The following AGO4 variants were observed in gnomAD, a reference collection of about 807,000 sequenced individuals.
The protein encoded by AGO4 is protein argonaute-4.
In AGO4, 33 loss-of-function variants were observed where a neutral mutation model predicts 104.7. The ratio of observed to expected loss-of-function variants is 0.32; its 90% CI spans 0.24 to 0.42. The LOEUF is 0.42. Ranked by LOEUF, AGO4 falls within the 10% of genes least tolerant of loss-of-function variation. The pLI is 1.00. For missense variants in AGO4, 711 were observed against 1,083.4 expected (o/e 0.66, Z 4.83); for synonymous variants, 331 against 364.7 (o/e 0.91, Z 1.05).
chr1:35,855,622 G>A lies in AGO4; in HGVS notation c.*2017G>A, dbSNP rs1371518139. ...AGCACAACATAGCCAGGAGTGAAGA[G>A]ATGGCAGATGTTAATTTCTTAAAAT... On this transcript the variant is annotated 3_prime_UTR_variant, in exon 18 of 18. Coordinates refer to ENST00000373210, the MANE Select transcript of AGO4 (RefSeq NM_017629.4). 1.3e-5 allele frequency: 2 copies of A among 150,882 alleles called. No homozygotes were observed. Among genetic ancestry groups the A allele is most frequent in the Admixed American group, 6.6e-5 (1 of 15,114 alleles). The allele number at this position is 150,882 out of a possible 1,614,324, so 9.3% of individuals were successfully genotyped here.
Position 35,808,502 on chromosome 1 carries a change from T to C in AGO4, c.19+67T>C. On this transcript the variant is annotated intron_variant, in intron 1 of 17. Coordinates refer to ENST00000373210, the MANE Select transcript of AGO4 (RefSeq NM_017629.4). The surrounding 1 kb of genome is among the most constrained non-coding windows in gnomAD (Gnocchi z 5.2). ...GACCCGGGGCGGGCGGCCGGGACTT[T>C]CGCTGCCCCGTCGCCTCGCCGGGTT... 5 of 1,166,242 alleles carry C rather than the reference T, an allele frequency of 4.3e-6. No individual in the cohort carries two copies. The highest frequency in any genetic ancestry group is 5.3e-6 in the Non-Finnish European group (5 of 943,022). 72.2% of individuals were successfully genotyped at this position (1,166,242 alleles called of 1,614,324 possible). A position where few individuals can be genotyped will look rare whatever the true frequency, so the allele number is the denominator to read the frequency against.
chr1:35,835,913 A>G lies in AGO4; in HGVS notation c.1644A>G (p.Ser548=). 1.9e-6 allele frequency: 3 copies of G among 1,614,094 alleles called. No homozygotes were observed. The highest frequency in any genetic ancestry group is 1.7e-6 in the Non-Finnish European group (2 of 1,179,984). The change falls in exon 13 of 18, where the codon TCA becomes TCG. Residue 548 remains serine (S), a synonymous_variant. Coordinates refer to ENST00000373210, the MANE Select transcript of AGO4 (RefSeq NM_017629.4). The stretch of plus-strand genomic sequence containing the variant: ...AGGTAAAAAATGTAGTGAAGACCTC[A>G]CCTCAAACCCTTTCCAATCTTTGCC... ...CVQVKNVVKT[S]PQTLSNLCLK...
In AGO4 at chr1:35,850,930, C is replaced by G. The variant is rs760865797; in HGVS notation, c.2354C>G (p.Thr785Ser). The change falls in exon 17 of 18, where the codon ACT (threonine) becomes AGT (serine). Residue 785 changes from threonine to serine, a missense_variant. Physicochemically the swap from Thr to Ser is moderately conservative, Grantham distance 58. Around this residue, in one of 3 missense-constraint regions of AGO4, gnomAD observed 401 missense variants for 665.5 expected, o/e 0.60. Coordinates refer to ENST00000373210, the MANE Select transcript of AGO4 (RefSeq NM_017629.4). ...ACTGCAGATGAACTCCAGCTACTGA[C>G]TTACCAGCTGTGTCACACCTATGTG... ...CFTADELQLL[T>S]YQLCHTYVRC... 3 of 1,614,064 alleles carry G rather than the reference C, an allele frequency of 1.9e-6. No individual in the cohort carries two copies. In the South Asian group the frequency reaches 3.3e-5, roughly 18 times the overall value.
At chr1:35,812,880 C>G (rs536399626) in intron 1 of AGO4, among the ~76,000 whole-genome samples, 6 of 152,272 alleles carry the variant, frequency 3.9e-5, no homozygotes, top group Non-Finnish European at 8.8e-5. Context: ...GCATGAGCCA[C>G]TGTGCCTGGC....
chr1:35,831,249 C>T (rs947114905), intron 7 of AGO4, among the ~76,000 whole-genome samples, 178 bp from the exon 8 acceptor site: 1 of 151,970 alleles, frequency 6.6e-6, no homozygotes, highest in African/African-American at 2.4e-5. Context: ...ATAATCCCAA[C>T]TGCTTGGGAA....
At position 35,856,072 on chromosome 1, in the gene AGO4, TCA is replaced by T. The variant is rs1361720354; in HGVS notation, c.*2468_*2469del. On this transcript the variant is annotated 3_prime_UTR_variant, in exon 18 of 18. Transcript: ENST00000373210. The stretch of plus-strand genomic sequence containing the variant: ...CTCGAACAATACAGCTTGTAAGACC[TCA>T]GTCAGTCCTGGTACACTGGGGTAAA... 2 of 152,232 alleles carry T rather than the reference TCA, an allele frequency of 1.3e-5. No individual in the cohort carries two copies. Among genetic ancestry groups the T allele is most frequent in the African/African-American group, 2.4e-5 (1 of 41,466 alleles). 9.4% of individuals were successfully genotyped at this position (152,232 alleles called of 1,614,324 possible).
At chr1:35,816,429 A>G (rs945744118) in intron 1 of AGO4, among the ~76,000 whole-genome samples, 2 of 152,214 alleles carry the variant, frequency 1.3e-5, no homozygotes, top group Admixed American at 6.6e-5. Flanking sequence ...CAGATTCTTT[A>G]TATTAGAGTA....
chr1:35,814,826 T>TA (rs1643638426), intron 1 of AGO4, among the ~76,000 whole-genome samples: 1 of 152,188 alleles, frequency 6.6e-6, no homozygotes, highest in African/African-American at 2.4e-5. Context: ...TAACCATAAA[T>TA]ATCATAAAGT....
chr1:35,840,538 A>T (rs1644415786), intron 13 of AGO4, among the ~76,000 whole-genome samples: 1 of 151,852 alleles, frequency 6.6e-6, no homozygotes, highest in Non-Finnish European at 1.5e-5. Flanking sequence ...ACCTCAGGTG[A>T]TCCTCCTGCC....
At chr1:35,816,725 G>C (rs922832483) in intron 1 of AGO4, among the ~76,000 whole-genome samples, 157 bp from the exon 2 acceptor site, 28 of 148,882 alleles carry the variant, frequency 1.9e-4, no homozygotes, top group Non-Finnish European at 1.9e-4. Flanking sequence ...CTTGGAACTG[G>C]AAGGCAGAGG....
In AGO4 at chr1:35,847,254, G is replaced by C. The variant is rs113136677; in HGVS notation, c.2176-2903G>C. Among the ~76,000 whole-genome samples, 741 of 146,652 alleles carry C rather than the reference G, an allele frequency of 5.1e-3. 7 individuals carry two copies. The highest frequency in any genetic ancestry group is 6.3e-3 in the Non-Finnish European group (420 of 66,944). On this transcript the variant is annotated intron_variant, in intron 15 of 17. Transcript: ENST00000373210. ...TTTTTGGTCTTTTTTTTTTTTTTGA[G>C]ACTGAGTCTCGCTCTGTTACCCAGG...
At chr1:35,831,755 A>T in intron 8 of AGO4, 57 bp from the exon 9 acceptor site, 1 of 1,596,322 alleles carries the variant, frequency 6.3e-7, no homozygotes, top group Non-Finnish European at 8.5e-7. Flanking sequence ...ATGGTTTGGC[A>T]AAGGTTTAAG....
At chr1:35,828,049 G>A (rs1644074488) in intron 7 of AGO4, among the ~76,000 whole-genome samples, 1 of 151,592 alleles carries the variant, frequency 6.6e-6, no homozygotes, top group Non-Finnish European at 1.5e-5. Flanking sequence ...CCAGCCTACT[G>A]TTGTAATTCT....
chr1:35,825,366 G>C lies in AGO4; in HGVS notation c.360G>C (p.Val120=), dbSNP rs769739095. 1.2e-6 allele frequency: 2 copies of C among 1,614,190 alleles called. No homozygotes were observed. Among genetic ancestry groups the C allele is most frequent in the Admixed American group, 3.3e-5 (2 of 60,020 alleles). The change falls in exon 4 of 18, where the codon GTG becomes GTC. Residue 120 remains valine, a synonymous_variant. Coordinates refer to ENST00000373210, the MANE Select transcript of AGO4 (RefSeq NM_017629.4). The stretch of plus-strand genomic sequence containing the variant: ...AGGGTAAAGACCAAACATTTAAAGT[G>C]TCTGTTCAGTGGGTGTCAGTTGTGA... ...PGEGKDQTFK[V]SVQWVSVVSL... is the part of the protein sequence containing the mutation.
upstream of AGO4, among the ~76,000 whole-genome samples, chr1:35,807,762 TGGGAGGA>T (rs1403357448): frequency 1.3e-5 from 2 of 151,700 alleles, no homozygotes; most frequent in Admixed American, 1.3e-4. Context: ...CGATCTGGGG[TGGGAGGA>T]GGGAGGAGGG....
rs372415425 is a variant in AGO4 at position 35,813,761 on chromosome 1, A to AAAGAAG, written c.20-3107_20-3102dup. Among the ~76,000 whole-genome samples, 3 of 149,916 alleles carry AAAGAAG rather than the reference A, an allele frequency of 2.0e-5. No individual in the cohort carries two copies. The East Asian group carries it at 5.9e-4, about 30-fold the overall frequency. On this transcript the variant is annotated intron_variant, in intron 1 of 17. Transcript: ENST00000373210. ...AAGACCCTGGCTCAAAAAAAGAAAA[A>AAAGAAG]AAGAAGAAGAAGAAGAAGAGGAAGA... is the stretch of plus-strand genomic sequence containing the variant.
At chr1:35,809,269 T>C (rs185752389) in intron 1 of AGO4, among the ~76,000 whole-genome samples, 63 of 152,352 alleles carry the variant, frequency 4.1e-4, no homozygotes, top group African/African-American at 1.5e-3. Flanking sequence ...ACAAGTGTCC[T>C]GAGTATTGGG....
intron 7 of AGO4, 59 bp downstream of exon 7, chr1:35,826,894 A>G: frequency 6.4e-7 from 1 of 1,560,540 alleles, no homozygotes; most frequent in Non-Finnish European, 8.7e-7. Context: ...GGGAGCTACT[A>G]TAATTGTTTT....
At chr1:35,828,013 G>A (rs558387476) in intron 7 of AGO4, among the ~76,000 whole-genome samples, 2 of 151,788 alleles carry the variant, frequency 1.3e-5, no homozygotes, top group Admixed American at 6.6e-5. Flanking sequence ...CCAAAGTGCT[G>A]GGACTACAGG....
Sources: gnomAD v4.1 joint callset for allele counts (sites outside exome capture counted in the v4.1 genomes callset) on GRCh38, gnomAD v4.1.1 for gene constraint, gnomAD v4.1.1 regional missense constraint, Gnocchi (gnomAD v3.1) non-coding constraint, MANE v1.5 for transcripts, NCBI Gene and HGNC (gene_info 2026-07-23, HGNC 2026-07-21) for gene names.